The following GIPC2 variants were observed in gnomAD, a reference collection of about 807,000 sequenced individuals.
GIPC2 encodes the protein GIPC PDZ domain containing family member 2.
In GIPC2, 30 loss-of-function variants were observed where a neutral mutation model predicts 30.6. That is an observed-to-expected ratio of 0.98 (90% CI 0.73 to 1.33). The LOEUF (loss-of-function observed/expected upper bound fraction) is 1.33, where lower values mean the gene tolerates loss of function less well. Ranked by LOEUF, GIPC2 falls within the 40% of genes most tolerant of loss-of-function variation. The pLI is 0.00. For missense variants in GIPC2, 414 were observed against 390.3 expected, an observed-to-expected ratio of 1.06 and a Z score of -0.51; for synonymous variants, 167 against 150.0, an observed-to-expected ratio of 1.11 and a Z score of -0.83.
chr1:78,134,066 T>C (rs1208757733), intron 5 of GIPC2, among the ~76,000 whole-genome samples: 2 of 152,128 alleles, frequency 1.3e-5, no homozygotes, highest in Non-Finnish European at 2.9e-5. Flanking sequence ...TGGAGAATGG[T>C]ATTTAAGAAC....
chr1:78,081,266 G>C (rs1386418737), intron 2 of GIPC2, among the ~76,000 whole-genome samples: 1 of 152,068 alleles, frequency 6.6e-6, no homozygotes, highest in Non-Finnish European at 1.5e-5. Context: ...CAAAATTTTA[G>C]GAAGTATATA....
rs765046211 is a variant in GIPC2 at position 78,119,475 on chromosome 1, A to ATG, written c.690_691insTG (p.Gly231TrpfsTer36). On this transcript the variant is annotated frameshift_variant, in exon 4 of 6. Transcript: ENST00000370759. LOFTEE classifies it high-confidence loss of function. Reference sequence around the variant, plus strand: ...GGGCAACACTTCGCCTGAGATCAAAAGGTCCTGCCACCGTGGAAGAAATGG... The same window carrying ATG: ...GGGCAACACTTCGCCTGAGATCAAAATGGGTCCTGCCACCGTGGAAGAAATGG... The ATG allele has an allele frequency of 8.7e-6, 14 of 1,608,682 alleles. No individual in the cohort carries two copies. Among genetic ancestry groups the ATG allele is most frequent in the Non-Finnish European group, 1.2e-5 (14 of 1,175,138 alleles).
intron 1 of GIPC2, among the ~76,000 whole-genome samples, chr1:78,062,962 A>G (rs1387456894): frequency 6.6e-6 from 1 of 152,170 alleles, no homozygotes; most frequent in African/African-American, 2.4e-5. Flanking sequence ...GCCCAGAGGG[A>G]TATCTTTGAC....
intron 1 of GIPC2, among the ~76,000 whole-genome samples, chr1:78,073,611 T>A (rs1406040002): frequency 6.6e-6 from 1 of 152,196 alleles, no homozygotes; most frequent in Non-Finnish European, 1.5e-5. Flanking sequence ...CCAGAGATCT[T>A]TGGAACATGT....
chr1:78,073,345 C>T (rs1444929383), intron 1 of GIPC2, among the ~76,000 whole-genome samples: 1 of 152,060 alleles, frequency 6.6e-6, no homozygotes, highest in Non-Finnish European at 1.5e-5. Context: ...CTCAAATGAT[C>T]CACCCATGTC....
At chr1:78,051,960 G>A (rs1661205797) in intron 1 of GIPC2, among the ~76,000 whole-genome samples, 1 of 152,026 alleles carries the variant, frequency 6.6e-6, no homozygotes, top group African/African-American at 2.4e-5. Flanking sequence ...GATACAATTT[G>A]TATCTCATTT....
rs1440085958 is a variant in GIPC2 at position 78,087,350 on chromosome 1, C to A, written c.426+6490C>A. 2.0e-5 allele frequency among the ~76,000 whole-genome samples: 3 copies of A among 152,268 alleles called. No homozygotes were observed. The East Asian group carries it at 5.8e-4, about 29-fold the overall frequency. On this transcript the variant is annotated intron_variant, in intron 2 of 5. Transcript: ENST00000370759. ...TCATATTACCCGACTTCAAACTGTA[C>A]TACAGGGCTACAGTAACCAAACAGC...
rs149843119 is a variant in GIPC2 at position 78,105,099 on chromosome 1, C to G, written c.607+9967C>G. Among the ~76,000 whole-genome samples, 29 of 152,168 alleles carry G rather than the reference C, an allele frequency of 1.9e-4. No homozygotes were observed. In the East Asian group the frequency reaches 5.6e-3, roughly 29 times the overall value. On this transcript the variant is annotated intron_variant, in intron 3 of 5. Transcript: ENST00000370759. Reference sequence around the variant, plus strand: ...GATAAATTGGTTTTCAAGGTAGAGACCCAGCTGGATACCTAAATATAGATC... The same window carrying G: ...GATAAATTGGTTTTCAAGGTAGAGAGCCAGCTGGATACCTAAATATAGATC...
At chr1:78,125,985 A>G in intron 5 of GIPC2, 23 bp downstream of exon 5, 1 of 1,096,088 alleles carries the variant, frequency 9.1e-7, no homozygotes, top group South Asian at 1.3e-5. Context: ...TATTTAAAAA[A>G]GTCTTATATC....
At chr1:78,081,686 C>G (rs1049820475) in intron 2 of GIPC2, among the ~76,000 whole-genome samples, 2 of 152,088 alleles carry the variant, frequency 1.3e-5, no homozygotes, top group African/African-American at 4.8e-5. Flanking sequence ...AAACTAAGAA[C>G]TGAGGAGAAA....
chr1:78,093,408 C>T (rs371883717), intron 2 of GIPC2, among the ~76,000 whole-genome samples: 4 of 152,098 alleles, frequency 2.6e-5, no homozygotes, highest in South Asian at 2.1e-4. Context: ...TTTCTAATGA[C>T]AGTGAGCTCT....
At chr1:78,065,323 GA>G (rs895541504) in intron 1 of GIPC2, among the ~76,000 whole-genome samples, 12 of 148,424 alleles carry the variant, frequency 8.1e-5, no homozygotes, top group South Asian at 2.1e-4. Context: ...ATTACCACAT[GA>G]AAAAAAAAAT....
intron 1 of GIPC2, among the ~76,000 whole-genome samples, chr1:78,075,505 C>T (rs1661702396): frequency 6.6e-6 from 1 of 152,152 alleles, no homozygotes; most frequent in South Asian, 2.1e-4. Flanking sequence ...CTGAGCAACT[C>T]ACCGATGTCA....
intron 3 of GIPC2, among the ~76,000 whole-genome samples, chr1:78,113,600 G>A (rs748297057): frequency 6.6e-6 from 1 of 152,080 alleles, no homozygotes; most frequent in African/African-American, 2.4e-5. Context: ...TATTGCCTAG[G>A]CTGGTCTCGA....
Position 78,064,742 on chromosome 1 carries a change from CTT to C in GIPC2, c.241-15915_241-15914del, listed in dbSNP as rs11327469. Among the ~76,000 whole-genome samples, 600 of 106,680 alleles carry C rather than the reference CTT, an allele frequency of 5.6e-3. 1 individual carries two copies. The highest frequency in any genetic ancestry group is 0.017 in the African/African-American group (485 of 29,374). The allele number at this position is 106,680 out of a possible 152,430, so 70.0% of individuals were successfully genotyped here. On this transcript the variant is annotated intron_variant, in intron 1 of 5. Coordinates refer to ENST00000370759, the MANE Select transcript of GIPC2 (RefSeq NM_017655.6). ...GTGGTACAATCATAACTCATGCAAC[CTT>C]TTTTTTTTTTTTTTTTTGAGATGGA...
At chr1:78,118,971 TC>T (rs1662626548) in intron 3 of GIPC2, among the ~76,000 whole-genome samples, 1 of 152,092 alleles carries the variant, frequency 6.6e-6, no homozygotes, top group Admixed American at 6.5e-5. Flanking sequence ...CTCTTTTTTT[TC>T]CTTTAAATTT....
chr1:78,077,630 G>A (rs1450193471), intron 1 of GIPC2, among the ~76,000 whole-genome samples: 3 of 152,136 alleles, frequency 2.0e-5, no homozygotes, highest in Non-Finnish European at 2.9e-5. Context: ...ATTTAGTTTA[G>A]TTTGTCCGTC....
chr1:78,117,362 C>G (rs1662588297), intron 3 of GIPC2, among the ~76,000 whole-genome samples: 1 of 152,022 alleles, frequency 6.6e-6, no homozygotes, highest in African/African-American at 2.4e-5. Flanking sequence ...TGCAGGGGTC[C>G]CCAACCTTTT....
chr1:78,097,940 G>T (rs1662168634), intron 3 of GIPC2, among the ~76,000 whole-genome samples: 1 of 152,184 alleles, frequency 6.6e-6, no homozygotes, highest in Non-Finnish European at 1.5e-5. Context: ...TGATAATGGG[G>T]AAGGCAGGCT....
Sources: gnomAD v4.1 joint callset for allele counts (sites outside exome capture counted in the v4.1 genomes callset) on GRCh38, gnomAD v4.1.1 for gene constraint, MANE v1.5 for transcripts, NCBI Gene and HGNC (gene_info 2026-07-23, HGNC 2026-07-21) for gene names.